Variants in CTSC observed in about 807,000 individuals in gnomAD.
The protein encoded by CTSC is dipeptidyl peptidase 1.
In CTSC, 37 loss-of-function variants were observed where a neutral mutation model predicts 40.9. That is an observed-to-expected ratio of 0.91 (90% CI 0.70 to 1.19). The LOEUF (loss-of-function observed/expected upper bound fraction) is 1.19. Ranked by LOEUF, CTSC falls within the 50% of genes most tolerant of loss-of-function variation. The pLI is 0.00. For missense variants in CTSC, 594 were observed against 567.3 expected, an observed-to-expected ratio of 1.05 and a Z score of -0.48; for synonymous variants, 232 against 207.4, an observed-to-expected ratio of 1.12 and a Z score of -1.02.
At position 88,337,727 on chromosome 11, in the gene CTSC, G is replaced by T. The variant is rs766114323; in HGVS notation, c.-55C>A. On this transcript the variant is annotated 5_prime_UTR_variant, in exon 1 of 7. Coordinates refer to ENST00000227266, the MANE Select transcript of CTSC (RefSeq NM_001814.6). ...AATTACCAGGAAGCCGAGCGCTGCG[G>T]GCTAGCGGTGAGTCCACCACGAGGC... is the stretch of plus-strand genomic sequence containing the variant. The T allele has an allele frequency of 8.4e-6, 13 of 1,543,934 alleles. No individual in the cohort carries two copies. The highest frequency in any genetic ancestry group is 1.4e-5 in the African/African-American group (1 of 72,958).
At chr11:88,327,986 A>G in intron 2 of CTSC, 7 of 734,808 alleles carry the variant, frequency 9.5e-6, no homozygotes, top group East Asian at 8.0e-5. Context: ...CAAGAAATTC[A>G]TAAGAAAACC....
chr11:88,316,045 T>TG (rs1179992250), intron 2 of CTSC, among the ~76,000 whole-genome samples: 5 of 152,078 alleles, frequency 3.3e-5, no homozygotes, highest in Non-Finnish European at 5.9e-5. Context: ...AACTGACTCA[T>TG]GAGTCACGTT....
At chr11:88,300,469 A>T in intron 5 of CTSC, 61 bp downstream of exon 5, 2 of 1,007,372 alleles carry the variant, frequency 2.0e-6, no homozygotes, top group African/African-American at 1.6e-5. Context: ...CATCACACAG[A>T]GCAACTGTTC....
At chr11:88,296,327 A>T in intron 5 of CTSC, 63 bp from the exon 6 acceptor site, 1 of 1,601,476 alleles carries the variant, frequency 6.2e-7, no homozygotes, top group Non-Finnish European at 8.5e-7. Context: ...GAATCATGCA[A>T]AAACCTTAGT....
At chr11:88,322,549 A>G (rs940770158) in intron 2 of CTSC, 3 of 152,180 alleles carry the variant, frequency 2.0e-5, no homozygotes, top group African/African-American at 4.8e-5. Context: ...AAATAAGAGA[A>G]GAATCAAACA....
At chr11:88,322,746 A>G (rs1011742306) in intron 2 of CTSC, 4 of 152,214 alleles carry the variant, frequency 2.6e-5, no homozygotes, top group Non-Finnish European at 1.5e-5. Flanking sequence ...GAATAGATCA[A>G]TAACAAGTTA....
intron 5 of CTSC, chr11:88,296,604 G>C (rs1045909852): frequency 6.6e-5 from 23 of 350,398 alleles, no homozygotes; most frequent in African/African-American, 4.3e-4. Context: ...AAAGCCATCA[G>C]GTTGGGTGAT....
chr11:88,305,222 G>C (rs939253550), intron 4 of CTSC, among the ~76,000 whole-genome samples: 1 of 152,138 alleles, frequency 6.6e-6, no homozygotes. Context: ...TGGACAACCA[G>C]CTGCCCTCAG....
In CTSC at chr11:88,315,647, G is replaced by A. The variant is rs115853717; in HGVS notation, c.319-3093C>T. Among the ~76,000 whole-genome samples the A allele has an allele frequency of 7.4e-3, 1,132 of 152,100 alleles. 19 individuals carry two copies. The highest frequency in any genetic ancestry group is 0.025 in the African/African-American group (1,057 of 41,482). ...ACTCATAAATCTTACAGGTTCAAGA[G>A]AACACAGAAATGATATAGTCTTGGG... On this transcript the variant is annotated intron_variant, in intron 2 of 6. Coordinates refer to ENST00000227266, the MANE Select transcript of CTSC (RefSeq NM_001814.6).
chr11:88,296,111 G>C, intron 6 of CTSC, 22 bp downstream of exon 6: 7 of 1,612,794 alleles, frequency 4.3e-6, no homozygotes, highest in Non-Finnish European at 5.9e-6. Flanking sequence ...CTCATAAATG[G>C]TGTCTGAAAT....
intron 4 of CTSC, among the ~76,000 whole-genome samples, chr11:88,304,037 C>T: frequency 6.6e-6 from 1 of 151,762 alleles, no homozygotes; most frequent in Middle Eastern, 3.2e-3. Flanking sequence ...TGGACAAAAT[C>T]TAGTATGTGT....
At chr11:88,335,348 G>A (rs534103054) in intron 1 of CTSC, among the ~76,000 whole-genome samples, 2 of 152,102 alleles carry the variant, frequency 1.3e-5, no homozygotes, top group East Asian at 1.9e-4. Context: ...AGCACTTTGC[G>A]GGGCTGAGGT....
intron 2 of CTSC, among the ~76,000 whole-genome samples, chr11:88,315,321 G>T (rs1280151235): frequency 6.6e-6 from 1 of 152,026 alleles, no homozygotes; most frequent in African/African-American, 2.4e-5. Context: ...CTACACACAG[G>T]AAGACATTCA....
chr11:88,302,982 A>C (rs1386014827), intron 4 of CTSC, among the ~76,000 whole-genome samples: 5 of 152,210 alleles, frequency 3.3e-5, no homozygotes, highest in Non-Finnish European at 7.3e-5. Context: ...CTCATAGGTA[A>C]TTTTATATAT....
At chr11:88,325,564 ACT>A in intron 2 of CTSC, 1 of 985,370 alleles carries the variant, frequency 1.0e-6, no homozygotes, top group South Asian at 4.7e-5. Context: ...ACAGTTAGAA[ACT>A]CTGTGAGCTT....
chr11:88,302,574 C>A (rs1479159354), intron 4 of CTSC, among the ~76,000 whole-genome samples: 1 of 135,634 alleles, frequency 7.4e-6, no homozygotes, highest in Non-Finnish European at 1.5e-5. Flanking sequence ...TGCAGTGAGC[C>A]GAGATTGCAC....
At chr11:88,308,239 C>T (rs1937677755) in intron 4 of CTSC, among the ~76,000 whole-genome samples, 1 of 152,180 alleles carries the variant, frequency 6.6e-6, no homozygotes, top group African/African-American at 2.4e-5. Flanking sequence ...GACAATGGGC[C>T]TTGCCCTGAA....
intron 5 of CTSC, chr11:88,297,722 C>T (rs1260206179): frequency 1.3e-5 from 2 of 152,168 alleles, no homozygotes; most frequent in East Asian, 3.8e-4. Flanking sequence ...TTCATCAAGC[C>T]CCTGACCTGT....
chr11:88,296,694 A>C, intron 5 of CTSC: 1 of 273,546 alleles, frequency 3.7e-6, no homozygotes, highest in South Asian at 3.9e-5. Context: ...ATGAAGGTTT[A>C]TGTCCCTCTA....
Sources: allele counts gnomAD v4.1 joint callset (sites outside exome capture counted in the v4.1 genomes callset), GRCh38; gene constraint gnomAD v4.1.1; transcripts MANE v1.5; gene names NCBI Gene and HGNC (gene_info 2026-07-23, HGNC 2026-07-21).